The following CFAP47 variants were observed in gnomAD, a reference collection of about 807,000 sequenced individuals.
The protein encoded by CFAP47 is cilia- and flagella-associated protein 47.
A neutral mutation model predicts 148.1 loss-of-function variants in CFAP47; 29 were observed. That is an observed-to-expected ratio of 0.20 (90% CI 0.15 to 0.27). The LOEUF is 0.27. Among genes scored for constraint, CFAP47 ranks in the 10% least tolerant of loss-of-function variants. CFAP47 has a pLI of 1.00. For missense variants in CFAP47, 1,872 were observed against 1,697.5 expected (o/e 1.10, Z -1.81); for synonymous variants, 664 against 577.3 (o/e 1.15, Z -2.15).
At chrX:36,151,522 A>G (rs1939307405) in intron 37 of CFAP47, among the ~76,000 whole-genome samples, 2 of 111,604 alleles carry the variant, frequency 1.8e-5, no homozygotes, top group African/African-American at 6.5e-5. Flanking sequence ...TTCTCATATT[A>G]TAGAAGAAGA....
chrX:36,154,478 G>A (rs1036069567), intron 37 of CFAP47, among the ~76,000 whole-genome samples: 3 of 111,933 alleles, frequency 2.7e-5, no homozygotes, highest in African/African-American at 9.7e-5. Context: ...TTCTTTTCAC[G>A]AACTTTTAGG....
rs376221280 is a variant in CFAP47 at position 36,138,065 on chromosome X, G to A, written c.5418+10G>A. 3.2e-5 allele frequency: 23 copies of A among 723,859 alleles called. No individual in the cohort carries two copies. Among genetic ancestry groups the A allele is most frequent in the Admixed American group, 2.6e-4 (10 of 37,964 alleles). 59.7% of individuals were successfully genotyped at this position (723,859 alleles called of 1,213,427 possible). ...CTATTGCCCATTCTTGGTAAGAGTC[G>A]TTTTTATGCATAATGATCTTCTATT... is the stretch of plus-strand genomic sequence containing the variant. On this transcript the variant is annotated intron_variant, in intron 34 of 63. Transcript: ENST00000378653.
At chrX:35,952,671 A>G (rs898659939) in intron 6 of CFAP47, among the ~76,000 whole-genome samples, 3 of 111,835 alleles carry the variant, frequency 2.7e-5, no homozygotes, top group Non-Finnish European at 3.8e-5. Flanking sequence ...AGCTTGCTTT[A>G]ATTTAAAGAG....
At chrX:36,044,934 A>G (rs1301842006) in intron 25 of CFAP47, among the ~76,000 whole-genome samples, 3 of 111,970 alleles carry the variant, frequency 2.7e-5, no homozygotes, top group Non-Finnish European at 5.6e-5. Flanking sequence ...TTTATTTTGT[A>G]CCCTGCAACT....
At chrX:36,149,486 T>A in intron 37 of CFAP47, among the ~76,000 whole-genome samples, 1 of 110,646 alleles carries the variant, frequency 9.0e-6, no homozygotes, top group Non-Finnish European at 1.9e-5. Flanking sequence ...AACAAGACTA[T>A]AAGTTGGTTT....
At position 35,953,647 on chromosome X, in the gene CFAP47, C is replaced by G; in HGVS notation, c.1102C>G (p.Leu368Val). The G allele has an allele frequency of 8.3e-7, 1 of 1,197,909 alleles. No homozygotes were observed. Among genetic ancestry groups the G allele is most frequent in the East Asian group, 3.0e-5 (1 of 33,563 alleles). The change falls in exon 7 of 64, where the codon CTC becomes GTC. Residue 368 changes from leucine (L) to valine (V), a missense_variant. Physicochemically the swap from Leu to Val is conservative, Grantham distance 32. Coordinates refer to ENST00000378653, the MANE Select transcript of CFAP47 (RefSeq NM_001304548.2). ...IGPSYRQDYALFLRFESVGSK... is the reference protein window; with the variant it reads ...IGPSYRQDYAVFLRFESVGSK... ...ACCTTCATACAGACAGGACTATGCTCTCTTTTTGAGATTTGAGTCCGTAGG... is the reference window on the plus strand; with the variant it reads ...ACCTTCATACAGACAGGACTATGCTGTCTTTTTGAGATTTGAGTCCGTAGG...
At chrX:36,006,071 C>A (rs1207426111) in intron 21 of CFAP47, among the ~76,000 whole-genome samples, 6 of 110,452 alleles carry the variant, frequency 5.4e-5, no homozygotes, top group African/African-American at 2.0e-4. Flanking sequence ...GTATATAAAA[C>A]ATTTTACTTA....
chrX:36,340,836 A>T (rs1341057707), intron 57 of CFAP47, among the ~76,000 whole-genome samples: 9 of 111,148 alleles, frequency 8.1e-5, no homozygotes, highest in Non-Finnish European at 1.3e-4. Flanking sequence ...AAAAAAATTA[A>T]CTACTGGAAA....
chrX:36,099,281 A>G (rs1453928625), intron 31 of CFAP47, among the ~76,000 whole-genome samples: 1 of 111,037 alleles, frequency 9.0e-6, no homozygotes, highest in Non-Finnish European at 1.9e-5. Flanking sequence ...TAGTTTTGTC[A>G]TAATATATAG....
intron 22 of CFAP47, among the ~76,000 whole-genome samples, chrX:36,019,716 G>A (rs1295945320): frequency 9.0e-6 from 1 of 111,690 alleles, no homozygotes; most frequent in Non-Finnish European, 1.9e-5. Flanking sequence ...CCAATTTATT[G>A]GTATATAGTT....
At chrX:35,975,047 A>G (rs1027009943) in intron 13 of CFAP47, 100 bp from the exon 14 acceptor site, 1 of 469,818 alleles carries the variant, frequency 2.1e-6, no homozygotes, top group Non-Finnish European at 3.3e-6. Context: ...TTTCATTTTT[A>G]TACAAATTGG....
At chrX:36,080,299 G>A (rs999416042) in intron 29 of CFAP47, among the ~76,000 whole-genome samples, 1 of 111,415 alleles carries the variant, frequency 9.0e-6, no homozygotes, top group African/African-American at 3.3e-5. Context: ...GAGAGGATGT[G>A]GAGAAATAGG....
intron 57 of CFAP47, among the ~76,000 whole-genome samples, chrX:36,326,332 A>C (rs782327516): frequency 0.027 from 2,705 of 101,901 alleles, 83 homozygotes; most frequent in African/African-American, 0.1. Context: ...CACACACACA[A>C]ACGTGCTAGG....
chrX:36,113,697 C>T (rs768540025), intron 33 of CFAP47, among the ~76,000 whole-genome samples: 1 of 111,705 alleles, frequency 9.0e-6, no homozygotes, highest in South Asian at 3.7e-4. Flanking sequence ...AAGTTGTTTA[C>T]GTTCTCCCTG....
intron 3 of CFAP47, among the ~76,000 whole-genome samples, chrX:35,947,529 A>G (rs1189266204): frequency 9.4e-6 from 1 of 106,786 alleles, no homozygotes; most frequent in Non-Finnish European, 1.9e-5. Context: ...CACTTCTACC[A>G]TGGGAGGTGG....
intron 3 of CFAP47, among the ~76,000 whole-genome samples, chrX:35,947,287 T>C (rs73629580): frequency 9.1e-6 from 1 of 109,343 alleles, no homozygotes; most frequent in African/African-American, 3.4e-5. Flanking sequence ...GCTGGGCTCA[T>C]CTGGGTGCTC....
intron 48 of CFAP47, among the ~76,000 whole-genome samples, chrX:36,243,351 T>C (rs1247241114): frequency 9.1e-6 from 1 of 109,783 alleles, no homozygotes; most frequent in East Asian, 2.9e-4. Context: ...CTAAATGTAA[T>C]TGGACTAAAA....
chrX:36,121,456 T>C (rs5972015), intron 33 of CFAP47, among the ~76,000 whole-genome samples: 16,862 of 110,733 alleles, frequency 0.15, 2,750 homozygotes, highest in African/African-American at 0.49. Context: ...TCTTTCCTTT[T>C]GGTCTTCTCT....
Position 36,086,907 on chromosome X carries a change from G to T in CFAP47, c.4916+1369G>T, listed in dbSNP as rs184668040. The stretch of plus-strand genomic sequence containing the variant: ...GAATGACAAATATATGAGGACTAGG[G>T]AGTGGCTGAGTCAGTTATAGGAGAC... On this transcript the variant is annotated intron_variant, in intron 30 of 63. Coordinates refer to ENST00000378653, the MANE Select transcript of CFAP47 (RefSeq NM_001304548.2). 7.2e-5 allele frequency among the ~76,000 whole-genome samples: 8 copies of T among 111,288 alleles called. No individual in the cohort carries two copies. In the East Asian group the frequency reaches 2.3e-3, roughly 32 times the overall value.
Sources: allele counts gnomAD v4.1 joint callset (sites outside exome capture counted in the v4.1 genomes callset), GRCh38; gene constraint gnomAD v4.1.1; transcripts MANE v1.5; gene names NCBI Gene and HGNC (gene_info 2026-07-23, HGNC 2026-07-21).